Variants in JAK1 observed in about 807,000 individuals in gnomAD.
JAK1 encodes the protein tyrosine-protein kinase JAK1.
A neutral mutation model predicts 136.6 loss-of-function variants in JAK1; 16 were observed. The observed-to-expected ratio is 0.12, with a 90% CI of 0.08 to 0.18. The LOEUF is 0.18. JAK1 is among the 10% of genes least tolerant of loss of function. The pLI, the probability that JAK1 is intolerant of heterozygous loss-of-function variation, is 1.00. For synonymous variants in JAK1, 492 were observed against 519.5 expected, an observed-to-expected ratio of 0.95 and a Z score of 0.72; for missense variants, 859 against 1,450.1, an observed-to-expected ratio of 0.59 and a Z score of 6.62.
intron 1 of JAK1, among the ~76,000 whole-genome samples, chr1:64,941,347 A>C (rs1645886804): frequency 6.6e-6 from 1 of 152,204 alleles, no homozygotes; most frequent in African/African-American, 2.4e-5. Flanking sequence ...ACTCTAGAGA[A>C]ACACTTTTAA....
chr1:64,993,798 A>G (rs1646679419), intron 2 of JAK1, among the ~76,000 whole-genome samples: 1 of 151,944 alleles, frequency 6.6e-6, no homozygotes, highest in African/African-American at 2.4e-5. Context: ...GGCGCCCACC[A>G]TCACGCCCGG....
At chr1:64,836,742 G>C (rs1243346772) in intron 22 of JAK1, among the ~76,000 whole-genome samples, 1 of 152,096 alleles carries the variant, frequency 6.6e-6, no homozygotes, top group Non-Finnish European at 1.5e-5. Flanking sequence ...CCCAGTCCCT[G>C]TCCTAATTCA....
intron 2 of JAK1, among the ~76,000 whole-genome samples, chr1:65,040,914 G>A (rs553320432): frequency 2.0e-5 from 3 of 152,280 alleles, no homozygotes; most frequent in Admixed American, 2.0e-4. Context: ...GGAAGCCCAG[G>A]AAGTGAAGTT....
At chr1:64,866,361 A>T (rs182336225) in intron 7 of JAK1, among the ~76,000 whole-genome samples, 5 of 152,292 alleles carry the variant, frequency 3.3e-5, no homozygotes, top group African/African-American at 9.6e-5. Flanking sequence ...TAAATATCTC[A>T]TAAAGAAGCT....
At chr1:64,873,966 C>T (rs916490203) in intron 4 of JAK1, among the ~76,000 whole-genome samples, 5 of 152,204 alleles carry the variant, frequency 3.3e-5, no homozygotes, top group African/African-American at 1.2e-4. Context: ...ATACAGCTTA[C>T]GTGGCAGTGT....
chr1:65,005,858 G>T (rs1490067402), intron 2 of JAK1, among the ~76,000 whole-genome samples: 1 of 152,150 alleles, frequency 6.6e-6, no homozygotes, highest in Non-Finnish European at 1.5e-5. Flanking sequence ...AGATGGTCTT[G>T]CAGAAGAATA....
chr1:65,015,136 AAGAATGAGATCCTAGATGG>A (rs1646882550), intron 2 of JAK1, among the ~76,000 whole-genome samples: 3 of 152,222 alleles, frequency 2.0e-5, no homozygotes, highest in Admixed American at 6.5e-5. Flanking sequence ...TTCTGGAAGA[AAGAATGAGATCCTAGATGG>A]ATGCTCTGAG....
chr1:64,904,167 T>C (rs1033506274), intron 1 of JAK1, among the ~76,000 whole-genome samples: 2 of 152,250 alleles, frequency 1.3e-5, no homozygotes, highest in Non-Finnish European at 2.9e-5. Flanking sequence ...AATATTGATT[T>C]AACGAATCAG....
intron 1 of JAK1, among the ~76,000 whole-genome samples, chr1:64,955,844 G>T (rs1187895058): frequency 6.8e-6 from 1 of 146,416 alleles, no homozygotes; most frequent in Non-Finnish European, 1.5e-5. Flanking sequence ...GCCCTGAAAG[G>T]GCCTAGGGAG....
chr1:65,047,208 C>A (rs3014976), intron 1 of JAK1, among the ~76,000 whole-genome samples: 24,472 of 151,958 alleles, frequency 0.16, 2,630 homozygotes, highest in East Asian at 0.32. Context: ...TCATTCTAAC[C>A]ATACAGTGGG....
Position 64,844,537 on chromosome 1 carries a change from A to G in JAK1, c.2251+217T>C, listed in dbSNP as rs987113672. On this transcript the variant is annotated intron_variant, in intron 16 of 24. Transcript: ENST00000342505. The surrounding 1 kb of genome is among the most constrained non-coding windows in gnomAD (Gnocchi z 5.7). ...AGCAAAACATCCCAGGGTGGGGGCC[A>G]TCACCCAGGGCAGGAGGACGAACGG... 6.6e-6 allele frequency among the ~76,000 whole-genome samples: 1 copy of G among 152,192 alleles called. No homozygotes were observed. Among genetic ancestry groups the G allele is most frequent in the African/African-American group, 2.4e-5 (1 of 41,458 alleles).
Position 64,844,970 on chromosome 1 carries a change from T to G in JAK1, c.2116-81A>C. On this transcript the variant is annotated intron_variant, in intron 15 of 24. Coordinates refer to ENST00000342505, the MANE Select transcript of JAK1 (RefSeq NM_002227.4). The surrounding 1 kb of genome is among the most constrained non-coding windows in gnomAD (Gnocchi z 5.7). ...CAACCCTGGTCCCTCAGGTCATCTC[T>G]TCCTACCCCCAGCTACAGCCAGATC... 7.0e-6 allele frequency: 11 copies of G among 1,574,242 alleles called. No individual in the cohort carries two copies. The highest frequency in any genetic ancestry group is 8.7e-6 in the Non-Finnish European group (10 of 1,150,074).
chr1:64,939,218 G>A (rs1016253381), intron 1 of JAK1, among the ~76,000 whole-genome samples: 9 of 152,256 alleles, frequency 5.9e-5, no homozygotes, highest in Non-Finnish European at 8.8e-5. Flanking sequence ...TAGATTCAAC[G>A]AAATGGGGAT....
intron 2 of JAK1, among the ~76,000 whole-genome samples, chr1:64,983,110 A>G (rs1264065005): frequency 2.0e-5 from 3 of 152,226 alleles, no homozygotes; most frequent in African/African-American, 7.2e-5. Flanking sequence ...GTAAGCACCA[A>G]GAAGGGAAAG....
intron 1 of JAK1, among the ~76,000 whole-genome samples, chr1:64,894,061 T>A (rs1312068475): frequency 3.9e-5 from 6 of 152,200 alleles, no homozygotes; most frequent in Admixed American, 3.9e-4. Context: ...AAACCAGCTC[T>A]GCTTACCTAA....
rs764912982 is a variant in JAK1 at position 64,953,826 on chromosome 1, ATTTCTTTT to A, written c.-78+12499_-78+12506del. Among the ~76,000 whole-genome samples the A allele has an allele frequency of 1.4e-3, 218 of 151,958 alleles. 1 individual carries two copies. The highest frequency in any genetic ancestry group is 2.4e-3 in the Admixed American group (37 of 15,256). On this transcript the variant is annotated intron_variant, in intron 1 of 24. Transcript: ENST00000342505. ...AGGTGCGTGCTGCCACGCCCAGCTA[ATTTCTTTT>A]TTTCTTTTTTTCGTATTTTTAGAAG... is the stretch of plus-strand genomic sequence containing the variant.
chr1:65,017,814 T>G (rs1172361262), intron 2 of JAK1, among the ~76,000 whole-genome samples: 2 of 151,296 alleles, frequency 1.3e-5, no homozygotes, highest in African/African-American at 2.4e-5. Flanking sequence ...AATTGTGAAC[T>G]CTGCCTTTTT....
upstream of JAK1, among the ~76,000 whole-genome samples, chr1:64,969,811 T>C (rs1489186942): frequency 6.6e-6 from 1 of 152,060 alleles, no homozygotes; most frequent in African/African-American, 2.4e-5. Flanking sequence ...GATAAGAAAT[T>C]CAGTTTTATG....
chr1:64,834,545 A>G lies in JAK1; in HGVS notation c.*17T>C, dbSNP rs746955661. The G allele has an allele frequency of 6.7e-7, 1 of 1,503,280 alleles. No individual in the cohort carries two copies. Among genetic ancestry groups the G allele is most frequent in the Non-Finnish European group, 9.2e-7 (1 of 1,082,114 alleles). The allele number at this position is 1,503,280 out of a possible 1,614,324, so 93.1% of individuals were successfully genotyped here. A position where few individuals can be genotyped will look rare whatever the true frequency, so the allele number is the denominator to read the frequency against. ...AGGACTTGATAATCTGTGGAATTTA[A>G]ATGTTATTCATGCTTCTTATTTTAA... On this transcript the variant is annotated 3_prime_UTR_variant, in exon 25 of 25. Transcript: ENST00000342505.
Sources: gnomAD v4.1 joint callset for allele counts (sites outside exome capture counted in the v4.1 genomes callset) on GRCh38, gnomAD v4.1.1 for gene constraint, Gnocchi (gnomAD v3.1) non-coding constraint, MANE v1.5 for transcripts, NCBI Gene and HGNC (gene_info 2026-07-23, HGNC 2026-07-21) for gene names.